The following COL6A3 variants were observed in gnomAD, a reference collection of about 807,000 sequenced individuals.
COL6A3 encodes the protein collagen type VI alpha 3 chain, also known as collagen alpha-3(VI) chain.
Under a neutral mutation model 274.1 loss-of-function variants are expected in COL6A3, and 137 were observed. That is an observed-to-expected ratio of 0.50 (90% CI 0.44 to 0.58). COL6A3 has a LOEUF of 0.58. Among genes scored for constraint, COL6A3 ranks in the 20% least tolerant of loss-of-function variants. COL6A3 has a pLI of 0.00. For missense variants in COL6A3, 3,950 were observed against 4,124.9 expected (o/e 0.96, Z 1.16); for synonymous variants, 1,650 against 1,650.6 (o/e 1.00, Z 0.01).
intron 26 of COL6A3, among the ~76,000 whole-genome samples, chr2:237,351,871 T>G (rs2077214112): frequency 6.6e-6 from 1 of 152,266 alleles, no homozygotes; most frequent in African/African-American, 2.4e-5. Flanking sequence ...TAAAATATTT[T>G]TGTACATTTA....
chr2:237,409,544 T>A (rs2078803725), intron 1 of COL6A3, among the ~76,000 whole-genome samples: 1 of 152,150 alleles, frequency 6.6e-6, no homozygotes, highest in African/African-American at 2.4e-5. Context: ...TTTGTTTGTT[T>A]GTTTGTTTGT....
chr2:237,368,743 C>T lies in COL6A3; in HGVS notation c.4720G>A (p.Gly1574Arg), dbSNP rs1340303980. The change falls in exon 10 of 44, where the codon GGA becomes AGA. Residue 1574 changes from glycine to arginine, a missense_variant. Gly to Arg is a moderately radical substitution (Grantham distance 125). Transcript: ENST00000295550. The surrounding 1 kb of genome is among the most constrained non-coding windows in gnomAD (Gnocchi z 4.4). ...TCTGTTCTGTCGATGTTCCGGTCTC[C>T]TACCCCTAAACTCACAATGCCCGAG... ...RSSGIVSLGV[G>R]DRNIDRTELQ... 1 of 1,614,194 alleles carries T rather than the reference C, an allele frequency of 6.2e-7. No homozygotes were observed. Among genetic ancestry groups the T allele is most frequent in the Non-Finnish European group, 8.5e-7 (1 of 1,180,032 alleles).
At chr2:237,405,490 A>C (rs2078696750) in intron 1 of COL6A3, among the ~76,000 whole-genome samples, 1 of 152,070 alleles carries the variant, frequency 6.6e-6, no homozygotes, top group Admixed American at 6.5e-5. Flanking sequence ...ATCCGCGCTC[A>C]TTCCCCGACA....
At chr2:237,341,221 G>A in intron 37 of COL6A3, 71 bp from the exon 38 acceptor site, 1 of 1,409,772 alleles carries the variant, frequency 7.1e-7, no homozygotes, top group Non-Finnish European at 1.0e-6. Flanking sequence ...TCAATCTGCT[G>A]GGAGACTTGG....
At position 237,344,185 on chromosome 2, in the gene COL6A3, G is replaced by T. The variant is rs1343415944; in HGVS notation, c.7668+165C>A. 2.0e-6 allele frequency: 2 copies of T among 1,018,602 alleles called. No homozygotes were observed. The highest frequency in any genetic ancestry group is 3.1e-6 in the Non-Finnish European group (2 of 653,288). 63.1% of individuals were successfully genotyped at this position (1,018,602 alleles called of 1,614,324 possible). ...GTCCCTGTAGTGCTGGAGCCACGAG[G>T]TTGTCCTGGAGACCTCACAAGAGAA... On this transcript the variant is annotated intron_variant, in intron 36 of 43. Coordinates refer to ENST00000295550, the MANE Select transcript of COL6A3 (RefSeq NM_004369.4). This position sits in a 1 kb window ranked among gnomAD's most constrained non-coding sequence, Gnocchi z 4.8.
At chr2:237,379,737 G>C (rs1462148586) in intron 5 of COL6A3, among the ~76,000 whole-genome samples, 1 of 152,164 alleles carries the variant, frequency 6.6e-6, no homozygotes, top group African/African-American at 2.4e-5. Flanking sequence ...AATAGCAAAA[G>C]TAGGCTGGTC....
intron 17 of COL6A3, 95 bp downstream of exon 17, chr2:237,359,993 G>T: frequency 7.7e-7 from 1 of 1,298,358 alleles, no homozygotes; most frequent in Non-Finnish European, 1.1e-6. Context: ...AGGTCAAGAA[G>T]CCTGGACCAG....
Position 237,373,054 on chromosome 2 carries a change from T to C in COL6A3, c.3680-717A>G, listed in dbSNP as rs6718331. On this transcript the variant is annotated intron_variant, in intron 8 of 43. Coordinates refer to ENST00000295550, the MANE Select transcript of COL6A3 (RefSeq NM_004369.4). ...GTTTACTTGCATTTTCTTGGAGAAA[T>C]AGGACTCAAGATTACCAGCTGAGAG... Among the ~76,000 whole-genome samples the C allele has an allele frequency of 2.7e-3, 407 of 152,048 alleles. 3 individuals carry two copies. The highest frequency in any genetic ancestry group is 9.3e-3 in the African/African-American group (385 of 41,458).
chr2:237,357,358 G>A lies in COL6A3; in HGVS notation c.6571C>T (p.Pro2191Ser), dbSNP rs370056446. Residue 2191 changes from proline (P) to serine (S), a missense_variant, in exon 23 of 44, where the codon CCT (proline) becomes TCT (serine). Coordinates refer to ENST00000295550, the MANE Select transcript of COL6A3 (RefSeq NM_004369.4). ...CTCACATTCTTCCCAGTTTCTCCAG[G>A]TCCTCCAGGTACTCCATCTCTCCCT... ...VPGRDGVPGGPGETGKNGGFG... is the reference protein window; with the variant it reads ...VPGRDGVPGGSGETGKNGGFG... The A allele has an allele frequency of 1.2e-6, 2 of 1,613,988 alleles. No homozygotes were observed. Among genetic ancestry groups the A allele is most frequent in the Non-Finnish European group, 1.7e-6 (2 of 1,179,880 alleles).
chr2:237,333,954 C>G (rs770047207), intron 41 of COL6A3, among the ~76,000 whole-genome samples: 5 of 152,138 alleles, frequency 3.3e-5, no homozygotes, highest in Non-Finnish European at 5.9e-5. Flanking sequence ...AAAAGAGGAG[C>G]CTTCCCTTCA....
At position 237,359,104 on chromosome 2, in the gene COL6A3, A is replaced by C. The variant is rs1295052356; in HGVS notation, c.6355-16T>G. On this transcript the variant is annotated splice_polypyrimidine_tract_variant and intron_variant, in intron 19 of 43. Transcript: ENST00000295550. ...CTTTGTCTCCCTGCCAAAGACAAGG[A>C]TTAAAGGTCACACCTGCTGCAATTT... 1.2e-6 allele frequency: 2 copies of C among 1,614,158 alleles called. No individual in the cohort carries two copies. The highest frequency in any genetic ancestry group is 2.2e-5 in the East Asian group (1 of 44,878).
At chr2:237,347,707 A>G (rs930828412) in intron 31 of COL6A3, 100 bp downstream of exon 31, 1 of 1,227,690 alleles carries the variant, frequency 8.1e-7, no homozygotes, top group African/African-American at 1.5e-5. Context: ...ATCCCTGGCC[A>G]GGGTGCAAGT....
intron 4 of COL6A3, among the ~76,000 whole-genome samples, chr2:237,385,709 G>GT (rs2078127245): frequency 6.6e-6 from 1 of 152,196 alleles, no homozygotes; most frequent in Admixed American, 6.5e-5. Flanking sequence ...TCACTTGATT[G>GT]TTTTCTTAAT....
At chr2:237,341,560 A>C (rs899108116) in intron 37 of COL6A3, among the ~76,000 whole-genome samples, 2 of 151,232 alleles carry the variant, frequency 1.3e-5, no homozygotes, top group Admixed American at 1.3e-4. Context: ...AAAAAAAAAA[A>C]AAAAAAAAAA....
At chr2:237,363,580 G>A (rs560436746) in intron 13 of COL6A3, among the ~76,000 whole-genome samples, 182 bp from the exon 14 acceptor site, 20 of 152,328 alleles carry the variant, frequency 1.3e-4, no homozygotes, top group African/African-American at 4.8e-4. Flanking sequence ...GGACTCTGCT[G>A]AATAATTGTT....
Position 237,366,877 on chromosome 2 carries a change from C to G in COL6A3, c.5310G>C (p.Gly1770=). ...QDVSLALTQR[G]VKVFAVGVRN... ...TCACTCCAACAGCAAACACTTTGAC[C>G]CCCCTCTGGGTGAGGGCCAGGCTCA... Residue 1770 remains glycine (G), a synonymous_variant, in exon 11 of 44, where the codon GGG becomes GGC. Coordinates refer to ENST00000295550, the MANE Select transcript of COL6A3 (RefSeq NM_004369.4). 1.2e-6 allele frequency: 2 copies of G among 1,614,252 alleles called. No individual in the cohort carries two copies. The highest frequency in any genetic ancestry group is 8.5e-7 in the Non-Finnish European group (1 of 1,180,042).
rs1241182085 is a variant in COL6A3, at chr2:237,377,247, C to T, written c.2595G>A (p.Glu865=). The T allele has an allele frequency of 1.2e-6, 2 of 1,611,396 alleles. No individual in the cohort carries two copies. The highest frequency in any genetic ancestry group is 4.5e-5 in the East Asian group (2 of 44,892). ...VRDFLYKIID[E]LNVKPEGTRI... ...GGGTCCCCTCTGGCTTCACATTGAGCTCATCGATAATCTTGTAGAGAAAGT... is the reference window on the plus strand; with the variant it reads ...GGGTCCCCTCTGGCTTCACATTGAGTTCATCGATAATCTTGTAGAGAAAGT... The change falls in exon 7 of 44, where the codon GAG becomes GAA. Residue 865 remains glutamate, a synonymous_variant. Coordinates refer to ENST00000295550, the MANE Select transcript of COL6A3 (RefSeq NM_004369.4).
chr2:237,348,342 T>C lies in COL6A3; in HGVS notation c.6966+7A>G. 6.2e-7 allele frequency: 1 copy of C among 1,606,844 alleles called. No homozygotes were observed. ...TGATGATGCTTCACCGACCAGGGATTATTTACCTTTGGTCCTGGGTATCCA... is the reference window on the plus strand; with the variant it reads ...TGATGATGCTTCACCGACCAGGGATCATTTACCTTTGGTCCTGGGTATCCA... On this transcript the variant is annotated splice_region_variant and intron_variant, in intron 30 of 43. Coordinates refer to ENST00000295550, the MANE Select transcript of COL6A3 (RefSeq NM_004369.4).
chr2:237,329,348 C>A (rs1347850316), intron 42 of COL6A3: 1 of 152,256 alleles, frequency 6.6e-6, no homozygotes, highest in Non-Finnish European at 1.5e-5. Flanking sequence ...AGCCATCACA[C>A]CCGGCCAATT....
Sources: gnomAD v4.1 joint callset for allele counts (sites outside exome capture counted in the v4.1 genomes callset) on GRCh38, gnomAD v4.1.1 for gene constraint, Gnocchi (gnomAD v3.1) non-coding constraint, MANE v1.5 for transcripts, NCBI Gene and HGNC (gene_info 2026-07-23, HGNC 2026-07-21) for gene names.